Variants in CASD1 observed in about 807,000 individuals in gnomAD.
The protein encoded by CASD1 is CAS1 domain sialic acid O acetyltransferase 1, also known as N-acetylneuraminate (7)9-O-acetyltransferase.
Under a neutral mutation model 100.0 loss-of-function variants are expected in CASD1, and 41 were observed. The observed-to-expected ratio is 0.41, with a 90% confidence interval of 0.32 to 0.53. The LOEUF is 0.53. Ranked by LOEUF, CASD1 falls within the 20% of genes least tolerant of loss-of-function variation. The pLI, the probability that CASD1 is intolerant of heterozygous loss-of-function variation, is 0.25. For missense variants in CASD1, 774 were observed against 948.7 expected (o/e 0.82, Z 2.42); for synonymous variants, 321 against 315.6 (o/e 1.02, Z -0.18).
the CASD1 span, chr7:94,618,495 G>T: frequency 2.5e-6 from 1 of 406,260 alleles, no homozygotes; most frequent in Non-Finnish European, 4.4e-6. Context: ...TTAATGGAAG[G>T]TACAAAAGAC....
chr7:94,548,944 A>T (rs1177900691), intron 13 of CASD1, among the ~76,000 whole-genome samples: 1 of 152,000 alleles, frequency 6.6e-6, no homozygotes, highest in Non-Finnish European at 1.5e-5. Flanking sequence ...ATCAGAGTAA[A>T]ACTGTAAACT....
At chr7:94,595,026 T>G in the CASD1 span, among the ~76,000 whole-genome samples, 1 of 152,280 alleles carries the variant, frequency 6.6e-6, no homozygotes, top group East Asian at 1.9e-4. Context: ...TGACCGACAC[T>G]ATCTATCCCT....
chr7:94,520,740 G>A (rs975830345), intron 3 of CASD1, among the ~76,000 whole-genome samples: 5 of 152,096 alleles, frequency 3.3e-5, no homozygotes, highest in Non-Finnish European at 7.4e-5. Flanking sequence ...GGCAGATCAC[G>A]AGGTCAAGAG....
At chr7:94,588,513 C>A in the CASD1 span, 1 of 1,432,562 alleles carries the variant, frequency 7.0e-7, no homozygotes, top group Admixed American at 2.6e-5. Flanking sequence ...ATTCTGATGC[C>A]AATCTATGTA....
the CASD1 span, among the ~76,000 whole-genome samples, chr7:94,567,475 C>G: frequency 6.6e-6 from 1 of 152,104 alleles, no homozygotes; most frequent in African/African-American, 2.4e-5. Flanking sequence ...TTTTTTACCT[C>G]ATGAAGCATG....
intron 10 of CASD1, among the ~76,000 whole-genome samples, chr7:94,542,356 G>A (rs1422511439): frequency 1.3e-5 from 2 of 152,154 alleles, no homozygotes; most frequent in Non-Finnish European, 2.9e-5. Context: ...TGTGCTGTAA[G>A]TGTGAAATGT....
chr7:94,525,563 G>A (rs191932385), intron 3 of CASD1, among the ~76,000 whole-genome samples: 6 of 152,246 alleles, frequency 3.9e-5, no homozygotes, highest in African/African-American at 1.2e-4. Flanking sequence ...GAAAGAGATC[G>A]AGTTGCATTA....
At chr7:94,589,961 G>A in the CASD1 span, 1 of 152,214 alleles carries the variant, frequency 6.6e-6, no homozygotes, top group Non-Finnish European at 1.5e-5. Flanking sequence ...CAAAAAGCTT[G>A]GGGACCACTG....
the CASD1 span, among the ~76,000 whole-genome samples, chr7:94,615,654 T>C: frequency 4.6e-5 from 7 of 152,150 alleles, no homozygotes; most frequent in South Asian, 2.1e-4. Context: ...CTGTTGTTGA[T>C]TGAAACTGGA....
Position 94,556,047 on chromosome 7 carries a change from A to C in CASD1, c.*289A>C, listed in dbSNP as rs1796192655. 1 of 244,032 alleles carries C rather than the reference A, an allele frequency of 4.1e-6. No homozygotes were observed. Among genetic ancestry groups the C allele is most frequent in the African/African-American group, 2.2e-5 (1 of 44,496 alleles). The allele number at this position is 244,032 out of a possible 1,614,324, so 15.1% of individuals were successfully genotyped here. ...ATATTTCCATTTGTAAGTGATTTTA[A>C]GTTAACATATGAAGGCAGGGAAATG... is the stretch of plus-strand genomic sequence containing the variant. On this transcript the variant is annotated 3_prime_UTR_variant, in exon 18 of 18. Transcript: ENST00000297273.
chr7:94,600,821 C>T, the CASD1 span: 2 of 1,612,624 alleles, frequency 1.2e-6, no homozygotes, highest in African/African-American at 1.3e-5. Flanking sequence ...CCACGAATCA[C>T]TTCCTGATAG....
intron 3 of CASD1, among the ~76,000 whole-genome samples, chr7:94,522,683 GTTC>G (rs1562934617): frequency 9.3e-5 from 14 of 151,278 alleles, no homozygotes; most frequent in African/African-American, 3.4e-4. Flanking sequence ...TTGAGACGGA[GTTC>G]TCGCTCTGTT....
the CASD1 span, among the ~76,000 whole-genome samples, chr7:94,609,003 TTGA>T: frequency 6.6e-6 from 1 of 152,170 alleles, no homozygotes; most frequent in Admixed American, 6.5e-5. Context: ...GACCTTGGAT[TTGA>T]TGATGATTTT....
chr7:94,544,264 A>G (rs949828183), intron 10 of CASD1, 147 bp from the exon 11 acceptor site: 5 of 960,442 alleles, frequency 5.2e-6, no homozygotes, highest in Non-Finnish European at 7.9e-6. Flanking sequence ...CCTTGCTATA[A>G]TGACTAACTT....
intron 1 of CASD1, among the ~76,000 whole-genome samples, chr7:94,515,140 A>G (rs891603518): frequency 1.3e-5 from 2 of 152,074 alleles, no homozygotes; most frequent in African/African-American, 4.8e-5. Flanking sequence ...TCAGTTGTCT[A>G]CTTAGCAATC....
chr7:94,538,393 T>C (rs1015487334), intron 9 of CASD1, among the ~76,000 whole-genome samples: 3 of 152,198 alleles, frequency 2.0e-5, no homozygotes, highest in Non-Finnish European at 2.9e-5. Context: ...TTAGAATTGC[T>C]GTCATTGCTC....
the CASD1 span, among the ~76,000 whole-genome samples, chr7:94,630,693 T>C: frequency 6.6e-6 from 1 of 151,974 alleles, no homozygotes; most frequent in East Asian, 1.9e-4. Context: ...GCCGTTACTC[T>C]TGTCACTTCT....
At chr7:94,595,028 T>C in the CASD1 span, among the ~76,000 whole-genome samples, 5 of 152,124 alleles carry the variant, frequency 3.3e-5, no homozygotes, top group Admixed American at 1.3e-4. Context: ...ACCGACACTA[T>C]CTATCCCTGC....
At chr7:94,532,901 C>T (rs567607275) in intron 5 of CASD1, among the ~76,000 whole-genome samples, 20 of 152,076 alleles carry the variant, frequency 1.3e-4, no homozygotes, top group Middle Eastern at 3.2e-3. Context: ...GCATTTTACT[C>T]AGAGTTCAGA....
Sources: gnomAD v4.1 joint callset for allele counts (sites outside exome capture counted in the v4.1 genomes callset) on GRCh38, gnomAD v4.1.1 for gene constraint, MANE v1.5 for transcripts, NCBI Gene and HGNC (gene_info 2026-07-23, HGNC 2026-07-21) for gene names.